Variants in TAB2 observed in about 807,000 individuals in gnomAD.
The protein encoded by TAB2 is TGF-beta-activated kinase 1 and MAP3K7-binding protein 2.
A neutral mutation model predicts 65.0 loss-of-function variants in TAB2; 3 were observed. The observed-to-expected ratio is 0.05, with a 90% CI of 0.02 to 0.12. The LOEUF (loss-of-function observed/expected upper bound fraction) is 0.12. Ranked by LOEUF, TAB2 falls within the 10% of genes least tolerant of loss-of-function variation. The pLI is 1.00. For missense variants in TAB2, 623 were observed against 840.3 expected, an observed-to-expected ratio of 0.74 and a Z score of 3.20; for synonymous variants, 298 against 285.1, an observed-to-expected ratio of 1.05 and a Z score of -0.46.
At chr6:149,299,865 C>T (rs191554623) in intron 1 of TAB2, among the ~76,000 whole-genome samples, 9 of 151,166 alleles carry the variant, frequency 6.0e-5, no homozygotes, top group Admixed American at 4.6e-4. Flanking sequence ...TTAACTTAGC[C>T]GGCATGGCGG....
chr6:149,267,046 G>A (rs750240848), intron 1 of TAB2, among the ~76,000 whole-genome samples: 9 of 152,116 alleles, frequency 5.9e-5, no homozygotes, highest in Middle Eastern at 3.2e-3. Flanking sequence ...CCTGCAATGC[G>A]GGAAGTAGAG....
chr6:149,305,640 C>T (rs1779055237), intron 1 of TAB2, among the ~76,000 whole-genome samples: 1 of 151,598 alleles, frequency 6.6e-6, no homozygotes, highest in African/African-American at 2.4e-5. Context: ...TGGTGAAATG[C>T]TGATTTTGAG....
chr6:149,367,430 A>AAC (rs1378654710), intron 1 of TAB2, among the ~76,000 whole-genome samples: 1 of 152,132 alleles, frequency 6.6e-6, no homozygotes, highest in Non-Finnish European at 1.5e-5. Flanking sequence ...CTTCTTTGAG[A>AAC]AATCACCAGA....
intron 1 of TAB2, among the ~76,000 whole-genome samples, chr6:149,241,206 T>C (rs536440573): frequency 6.6e-6 from 1 of 152,184 alleles, no homozygotes; most frequent in East Asian, 1.9e-4. Context: ...AAATGACTAT[T>C]GTTTAAGACA....
chr6:149,403,347 C>CATATATATACATATATAT (rs1453648247), intron 6 of TAB2, among the ~76,000 whole-genome samples: 1 of 29,778 alleles, frequency 3.4e-5, no homozygotes, highest in African/African-American at 2.1e-4. Flanking sequence ...TATACACACA[C>CATATATATACATATATAT]ACACACACAC....
intron 1 of TAB2, among the ~76,000 whole-genome samples, chr6:149,336,968 G>A (rs1434267017): frequency 1.3e-5 from 2 of 151,338 alleles, no homozygotes; most frequent in African/African-American, 4.9e-5. Context: ...ACTTTGAACT[G>A]AAATTTAGCA....
intron 1 of TAB2, among the ~76,000 whole-genome samples, chr6:149,251,780 C>G (rs1777865861): frequency 6.6e-6 from 1 of 152,158 alleles, no homozygotes; most frequent in Non-Finnish European, 1.5e-5. Flanking sequence ...TTTAGCTGTA[C>G]TTTGTTAAAA....
chr6:149,248,545 A>G (rs2114651408), intron 1 of TAB2, among the ~76,000 whole-genome samples: 2 of 152,330 alleles, frequency 1.3e-5, no homozygotes, highest in Middle Eastern at 6.8e-3. Context: ...GAGTTCAGTG[A>G]AAATTGTTCA....
At chr6:149,323,264 C>G (rs980058691) in intron 1 of TAB2, among the ~76,000 whole-genome samples, 1 of 152,022 alleles carries the variant, frequency 6.6e-6, no homozygotes, top group Non-Finnish European at 1.5e-5. Flanking sequence ...AAAAAATATT[C>G]TAGAAATTGA....
intron 1 of TAB2, among the ~76,000 whole-genome samples, chr6:149,278,590 C>T (rs1209421572): frequency 6.6e-6 from 1 of 152,076 alleles, no homozygotes; most frequent in Admixed American, 6.6e-5. Flanking sequence ...GCTAAGATTC[C>T]GATAAGCCAA....
chr6:149,246,414 G>A (rs1252053081), intron 1 of TAB2: 2 of 152,198 alleles, frequency 1.3e-5, no homozygotes, highest in African/African-American at 4.8e-5. Flanking sequence ...AGTCTTCATG[G>A]ATAATTTCCT....
At chr6:149,313,965 C>G (rs958084176), upstream of TAB2, among the ~76,000 whole-genome samples, 1 of 152,136 alleles carries the variant, frequency 6.6e-6, no homozygotes, top group Admixed American at 6.5e-5. Context: ...TACTATTAAC[C>G]AGACAGTGAT....
chr6:149,308,140 CT>C (rs1269902083), intron 1 of TAB2, among the ~76,000 whole-genome samples: 1 of 152,154 alleles, frequency 6.6e-6, no homozygotes, highest in East Asian at 1.9e-4. Context: ...CGGTTGTTTT[CT>C]ATTTTTTTAC....
chr6:149,321,300 A>T (rs1779447968), intron 1 of TAB2: 1 of 152,206 alleles, frequency 6.6e-6, no homozygotes, highest in Non-Finnish European at 1.5e-5. Context: ...ATATTTCCAG[A>T]ATACTTAACA....
intron 1 of TAB2, among the ~76,000 whole-genome samples, chr6:149,242,027 A>G (rs948959250): frequency 1.3e-5 from 2 of 152,028 alleles, no homozygotes; most frequent in African/African-American, 4.8e-5. Flanking sequence ...ATCAAACCTT[A>G]TCTGCCTGGT....
At chr6:149,357,000 C>A (rs551479064) in intron 1 of TAB2, among the ~76,000 whole-genome samples, 17 of 152,294 alleles carry the variant, frequency 1.1e-4, no homozygotes, top group Middle Eastern at 3.4e-3. Context: ...CTTGACTATT[C>A]AATTATTTCA....
chr6:149,347,018 A>G (rs975778695), intron 1 of TAB2, among the ~76,000 whole-genome samples: 1 of 152,210 alleles, frequency 6.6e-6, no homozygotes, highest in South Asian at 2.1e-4. Flanking sequence ...AGATTATCCA[A>G]AAATTAGAGT....
chr6:149,389,922 TA>T (rs1781928510), intron 3 of TAB2, among the ~76,000 whole-genome samples: 1 of 152,214 alleles, frequency 6.6e-6, no homozygotes, highest in African/African-American at 2.4e-5. Flanking sequence ...AGTAGGTTCT[TA>T]AAAATAATTA....
chr6:149,241,274 G>A (rs973990210), intron 1 of TAB2, among the ~76,000 whole-genome samples: 72 of 152,230 alleles, frequency 4.7e-4, no homozygotes, highest in African/African-American at 1.7e-3. Context: ...TAGATTTTGG[G>A]CTCAGTTTAA....
Sources: allele counts gnomAD v4.1 joint callset (sites outside exome capture counted in the v4.1 genomes callset), GRCh38; gene constraint gnomAD v4.1.1; transcripts MANE v1.5; gene names NCBI Gene and HGNC (gene_info 2026-07-23, HGNC 2026-07-21).